The following TPST2 variants were observed in gnomAD, a reference collection of about 807,000 sequenced individuals.
TPST2 encodes the protein protein-tyrosine sulfotransferase 2.
TPST2 carries 16 observed loss-of-function variants against 27.8 expected under a neutral mutation model. The ratio of observed to expected loss-of-function variants is 0.58; its 90% confidence interval spans 0.39 to 0.88. The LOEUF is 0.88. Ranked by LOEUF, TPST2 falls within the 40% of genes least tolerant of loss-of-function variation. The pLI, the probability that TPST2 is intolerant of heterozygous loss-of-function variation, is 0.00. For missense variants in TPST2, 464 were observed against 543.1 expected (o/e 0.85, Z 1.45); for synonymous variants, 229 against 231.7 (o/e 0.99, Z 0.10).
intron 3 of TPST2, among the ~76,000 whole-genome samples, chr22:26,540,227 G>C (rs1287447690): frequency 6.6e-6 from 1 of 152,166 alleles, no homozygotes; most frequent in East Asian, 1.9e-4. Flanking sequence ...GCTGAGGTTT[G>C]AACCCAGACA....
intron 1 of TPST2, among the ~76,000 whole-genome samples, chr22:26,580,706 G>C (rs1928067195): frequency 6.6e-6 from 1 of 152,026 alleles, no homozygotes; most frequent in African/African-American, 2.4e-5. Flanking sequence ...ATGCCTTCTG[G>C]CTAGAGACGG....
chr22:26,529,868 TA>T (rs913555701), intron 5 of TPST2, among the ~76,000 whole-genome samples: 51 of 148,312 alleles, frequency 3.4e-4, no homozygotes, highest in Admixed American at 3.3e-4. Flanking sequence ...GCCTTGAATT[TA>T]AAAAAAAAAA....
chr22:26,549,407 C>T (rs1926320778), intron 1 of TPST2, among the ~76,000 whole-genome samples: 1 of 152,136 alleles, frequency 6.6e-6, no homozygotes, highest in Admixed American at 6.5e-5. Flanking sequence ...GCCTGTAATC[C>T]CGGCACTTTG....
rs1012188382 is a variant in TPST2, at chr22:26,541,823, T to C, written c.-88-105A>G. 1 of 1,108,208 alleles carries C rather than the reference T, an allele frequency of 9.0e-7. No homozygotes were observed. Among genetic ancestry groups the C allele is most frequent in the Non-Finnish European group, 1.2e-6 (1 of 813,500 alleles). 68.6% of individuals were successfully genotyped at this position (1,108,208 alleles called of 1,614,324 possible). A position where few individuals can be genotyped will look rare whatever the true frequency, so the allele number is the denominator to read the frequency against. On this transcript the variant is annotated intron_variant, in intron 2 of 6. Transcript: ENST00000338754. The surrounding 1 kb of genome is among the most constrained non-coding windows in gnomAD (Gnocchi z 5.9). Reference sequence around the variant, plus strand: ...GCAAACAAGAGGCTGCTGACATGAATGCAGAGGGCACCTTTCATAAGCACT... The same window carrying C: ...GCAAACAAGAGGCTGCTGACATGAACGCAGAGGGCACCTTTCATAAGCACT...
Position 26,541,385 on chromosome 22 carries a change from C to T in TPST2, c.246G>A (p.Thr82=), listed in dbSNP as rs200681170. 7.1e-5 allele frequency: 111 copies of T among 1,559,450 alleles called. No individual in the cohort carries two copies. Among genetic ancestry groups the T allele is most frequent in the South Asian group, 7.3e-5 (6 of 81,996 alleles). ...FVGGVPRSGT[T]LMRAMLDAHP... Reference sequence around the variant, plus strand: ...GCGCGTCCAGCATGGCGCGCATCAACGTGGTGCCACTGCGAGGCACGCCAC... The same window carrying T: ...GCGCGTCCAGCATGGCGCGCATCAATGTGGTGCCACTGCGAGGCACGCCAC... The change falls in exon 3 of 7, where the codon ACG becomes ACA. Residue 82 remains threonine, a synonymous_variant. Coordinates refer to ENST00000338754, the MANE Select transcript of TPST2 (RefSeq NM_003595.5). This position sits in a 1 kb window ranked among gnomAD's most constrained non-coding sequence, Gnocchi z 5.9.
chr22:26,549,549 C>T (rs1370177881), intron 1 of TPST2, among the ~76,000 whole-genome samples: 2 of 149,058 alleles, frequency 1.3e-5, no homozygotes, highest in Non-Finnish European at 3.0e-5. Flanking sequence ...CCCAGCTACT[C>T]AGGAGGCTGA....
At position 26,533,516 on chromosome 22, in the gene TPST2, C is replaced by A. The variant is rs7288592; in HGVS notation, c.1042-771G>T. Among the ~76,000 whole-genome samples the A allele has an allele frequency of 4.7e-3, 719 of 152,242 alleles. 3 individuals are homozygous for A. Among genetic ancestry groups the A allele is most frequent in the African/African-American group, 0.017 (696 of 41,540 alleles). ...CAAGGAAAAATAGGTAGGCTAAGCT[C>A]AGAAGAAAAAGCACTCCAGGCAGAG... On this transcript the variant is annotated intron_variant, in intron 4 of 6. Coordinates refer to ENST00000338754, the MANE Select transcript of TPST2 (RefSeq NM_003595.5).
At chr22:26,576,978 C>A (rs1409822846) in intron 1 of TPST2, among the ~76,000 whole-genome samples, 1 of 151,656 alleles carries the variant, frequency 6.6e-6, no homozygotes. Context: ...TGCCTGTAGT[C>A]CCAGCTACTC....
At chr22:26,576,192 C>T (rs567615248) in intron 1 of TPST2, among the ~76,000 whole-genome samples, 4 of 152,256 alleles carry the variant, frequency 2.6e-5, no homozygotes, top group African/African-American at 9.6e-5. Context: ...AATCCCACGT[C>T]CCAATGGGGC....
intron 1 of TPST2, among the ~76,000 whole-genome samples, chr22:26,569,306 C>G (rs186719481): frequency 3.3e-5 from 5 of 152,038 alleles, no homozygotes; most frequent in African/African-American, 1.2e-4. Context: ...GTGGTTACCC[C>G]GGTGGGGCAA....
chr22:26,550,039 C>CA (rs113296696), intron 1 of TPST2, among the ~76,000 whole-genome samples: 53,246 of 139,822 alleles, frequency 0.38, 10,344 homozygotes, highest in East Asian at 0.48. Context: ...GACTCCATCT[C>CA]AAAAAAAAAA....
intron 1 of TPST2, among the ~76,000 whole-genome samples, chr22:26,555,630 G>A (rs985416656): frequency 1.3e-5 from 2 of 152,202 alleles, no homozygotes; most frequent in South Asian, 2.1e-4. Flanking sequence ...TGAGTGTCAC[G>A]GCCATTGAGC....
At chr22:26,565,375 T>G (rs1185701495) in intron 1 of TPST2, 1 of 152,304 alleles carries the variant, frequency 6.6e-6, no homozygotes, top group East Asian at 1.9e-4. Context: ...CTTTGAAGGA[T>G]CAGTCAGCCT....
intron 4 of TPST2, 22 bp from the exon 5 acceptor site, chr22:26,532,767 A>T: frequency 6.2e-7 from 1 of 1,610,422 alleles, no homozygotes; most frequent in Non-Finnish European, 8.5e-7. Flanking sequence ...AAAAAGAAAT[A>T]TCACTATTAT....
At chr22:26,544,319 C>G (rs976866044) in intron 2 of TPST2, among the ~76,000 whole-genome samples, 3 of 152,188 alleles carry the variant, frequency 2.0e-5, no homozygotes, top group African/African-American at 7.2e-5. Context: ...TGACACTGGG[C>G]AAGTCCCCCG....
chr22:26,530,017 T>A (rs897805190), intron 5 of TPST2, among the ~76,000 whole-genome samples: 1 of 152,224 alleles, frequency 6.6e-6, no homozygotes, highest in Non-Finnish European at 1.5e-5. Context: ...TAGTGAGCAC[T>A]AATTTAGTAT....
At chr22:26,559,956 A>G (rs546986449) in intron 1 of TPST2, among the ~76,000 whole-genome samples, 1 of 152,330 alleles carries the variant, frequency 6.6e-6, no homozygotes, top group South Asian at 2.1e-4. Context: ...GTATAGAAGC[A>G]TATCATATCA....
intron 1 of TPST2, among the ~76,000 whole-genome samples, chr22:26,565,957 A>C (rs1335728599): frequency 6.6e-6 from 1 of 152,236 alleles, no homozygotes; most frequent in African/African-American, 2.4e-5. Context: ...CCACACACCC[A>C]AACTGTTGTA....
At chr22:26,555,435 G>A in intron 1 of TPST2, 1 of 355,914 alleles carries the variant, frequency 2.8e-6, no homozygotes, top group Non-Finnish European at 5.6e-6. Flanking sequence ...CAGTGGCCTT[G>A]AGCCAGTGAC....
Sources: gnomAD v4.1 joint callset for allele counts (sites outside exome capture counted in the v4.1 genomes callset) on GRCh38, gnomAD v4.1.1 for gene constraint, Gnocchi (gnomAD v3.1) non-coding constraint, MANE v1.5 for transcripts, NCBI Gene and HGNC (gene_info 2026-07-23, HGNC 2026-07-21) for gene names.